CAMK4: variants seen among roughly 807,000 people sequenced by gnomAD.
The protein encoded by CAMK4 is calcium/calmodulin-dependent protein kinase type IV.
Under a neutral mutation model 44.9 loss-of-function variants are expected in CAMK4, and 22 were observed. The ratio of observed to expected loss-of-function variants is 0.49; its 90% CI spans 0.35 to 0.70. CAMK4 has a LOEUF of 0.70. Among genes scored for constraint, CAMK4 ranks in the 30% least tolerant of loss-of-function variants. CAMK4 has a pLI of 0.01. For missense variants in CAMK4, 498 were observed against 586.8 expected, an observed-to-expected ratio of 0.85 and a Z score of 1.56; for synonymous variants, 218 against 215.4, an observed-to-expected ratio of 1.01 and a Z score of -0.11.
chr5:111,232,855 C>T (rs1748541720), intron 1 of CAMK4, among the ~76,000 whole-genome samples: 1 of 151,644 alleles, frequency 6.6e-6, no homozygotes, highest in African/African-American at 2.4e-5. Context: ...TTACCTAGAC[C>T]AGGTAAAGAG....
At chr5:111,467,860 T>G (rs1002015033) in intron 7 of CAMK4, among the ~76,000 whole-genome samples, 1 of 149,258 alleles carries the variant, frequency 6.7e-6, no homozygotes, top group Admixed American at 6.8e-5. Flanking sequence ...GGATATCTAC[T>G]CAGAGGAAAA....
chr5:111,349,570 A>G (rs1327931155), intron 2 of CAMK4, among the ~76,000 whole-genome samples: 1 of 152,038 alleles, frequency 6.6e-6, no homozygotes, highest in Non-Finnish European at 1.5e-5. Flanking sequence ...CAAATTAAGC[A>G]GTTGGAAACT....
chr5:111,338,448 G>A (rs563286011), intron 1 of CAMK4, among the ~76,000 whole-genome samples: 1 of 151,372 alleles, frequency 6.6e-6, no homozygotes, highest in East Asian at 2.0e-4. Flanking sequence ...TTATTTTGCT[G>A]TGCAGAAATT....
intron 4 of CAMK4, among the ~76,000 whole-genome samples, chr5:111,383,496 C>T (rs1751489590): frequency 6.6e-6 from 1 of 152,106 alleles, no homozygotes; most frequent in Admixed American, 6.6e-5. Context: ...ACTCATGGCA[C>T]AGCAAACGTT....
In CAMK4 at chr5:111,446,709, C is replaced by A; in HGVS notation, c.483C>A (p.Val161=). ...AGTATCTACATGAAAATGGGATTGT[C>A]CATCGTGATCTCAAACCAGAGAATC... The part of the protein sequence containing the change: ...AVAYLHENGI[V]HRDLKPENLL... Residue 161 remains valine (V), a synonymous_variant, in exon 6 of 11, where the codon GTC becomes GTA. Transcript: ENST00000282356. The A allele has an allele frequency of 6.3e-7, 1 of 1,594,386 alleles. No homozygotes were observed. Among genetic ancestry groups the A allele is most frequent in the Non-Finnish European group, 8.6e-7 (1 of 1,164,804 alleles).
chr5:111,292,358 A>G (rs1012202959), intron 1 of CAMK4, among the ~76,000 whole-genome samples: 1 of 152,220 alleles, frequency 6.6e-6, no homozygotes, highest in Non-Finnish European at 1.5e-5. Flanking sequence ...ATAATGTTAT[A>G]TAAAGTATGA....
At chr5:111,326,000 T>A (rs1401615397) in intron 1 of CAMK4, among the ~76,000 whole-genome samples, 1 of 152,084 alleles carries the variant, frequency 6.6e-6, no homozygotes, top group Non-Finnish European at 1.5e-5. Flanking sequence ...GAATGTTTTT[T>A]AAAAAGGTTT....
chr5:111,244,315 A>C (rs1381590160), intron 1 of CAMK4, among the ~76,000 whole-genome samples: 3 of 152,236 alleles, frequency 2.0e-5, no homozygotes, highest in African/African-American at 7.2e-5. Flanking sequence ...AATGCATCAA[A>C]AATTATTAAA....
intron 2 of CAMK4, among the ~76,000 whole-genome samples, chr5:111,356,635 AG>A (rs1750368870): frequency 6.6e-6 from 1 of 152,158 alleles, no homozygotes; most frequent in Admixed American, 6.6e-5. Context: ...TTATGGTTTT[AG>A]GTCTAACATG....
chr5:111,314,216 G>A (rs188673429), intron 1 of CAMK4, among the ~76,000 whole-genome samples: 83 of 152,110 alleles, frequency 5.5e-4, no homozygotes, highest in African/African-American at 1.8e-3. Flanking sequence ...TGTGTAATTT[G>A]GTGAAGAGTT....
chr5:111,264,591 T>C (rs1172809806), intron 1 of CAMK4, among the ~76,000 whole-genome samples: 1 of 152,192 alleles, frequency 6.6e-6, no homozygotes, highest in African/African-American at 2.4e-5. Context: ...TTTGAAGTCA[T>C]TGATGTGATT....
At chr5:111,308,730 T>G (rs1009827803) in intron 1 of CAMK4, among the ~76,000 whole-genome samples, 1 of 152,206 alleles carries the variant, frequency 6.6e-6, no homozygotes, top group African/African-American at 2.4e-5. Context: ...AAACAATAGC[T>G]TATTACCGGA....
At chr5:111,252,796 G>T (rs1172044019) in intron 1 of CAMK4, among the ~76,000 whole-genome samples, 1 of 152,204 alleles carries the variant, frequency 6.6e-6, no homozygotes, top group Non-Finnish European at 1.5e-5. Flanking sequence ...ATAAGGGCTA[G>T]ATAAGGAATG....
rs1755868965 is a variant in CAMK4, at chr5:111,492,193, G to A, written c.*7727G>A. 1 of 152,046 alleles carries A rather than the reference G, an allele frequency of 6.6e-6. No individual in the cohort carries two copies. The highest frequency in any genetic ancestry group is 1.9e-4 in the East Asian group (1 of 5,202). 9.4% of individuals were successfully genotyped at this position (152,046 alleles called of 1,614,324 possible). On this transcript the variant is annotated 3_prime_UTR_variant, in exon 11 of 11. Transcript: ENST00000282356. The stretch of plus-strand genomic sequence containing the variant: ...AAACATAGGCATTCATGACCTTTGT[G>A]TTTCCGTTTGACTTTCAACATCTGT...
chr5:111,454,762 C>T (rs1754359613), intron 7 of CAMK4, among the ~76,000 whole-genome samples: 1 of 151,862 alleles, frequency 6.6e-6, no homozygotes, highest in African/African-American at 2.4e-5. Context: ...ATATTTAAGG[C>T]TTGAAGTTTG....
intron 4 of CAMK4, 89 bp downstream of exon 4, chr5:111,377,031 A>G: frequency 1.3e-6 from 1 of 781,740 alleles, no homozygotes; most frequent in South Asian, 1.6e-5. Flanking sequence ...GAAACTTTTT[A>G]TAATGACAGA....
chr5:111,331,583 G>A (rs1749169856), intron 1 of CAMK4, among the ~76,000 whole-genome samples: 1 of 151,636 alleles, frequency 6.6e-6, no homozygotes, highest in African/African-American at 2.4e-5. Flanking sequence ...ACACCTGCCA[G>A]TCTATTCTTT....
chr5:111,273,465 T>C lies in CAMK4; in HGVS notation c.161+48821T>C, dbSNP rs58588330. Among the ~76,000 whole-genome samples, 1,225 of 151,592 alleles carry C rather than the reference T, an allele frequency of 8.1e-3. 16 individuals carry two copies. The highest frequency in any genetic ancestry group is 0.028 in the African/African-American group (1,160 of 41,424). ...GTAACAATACCCAGTCTTTTATGTA[T>C]ACAAAAGTTGCTGGATGGTTAAAGA... On this transcript the variant is annotated intron_variant, in intron 1 of 10. Transcript: ENST00000282356.
chr5:111,441,101 A>G (rs553948907), intron 5 of CAMK4, among the ~76,000 whole-genome samples: 1 of 152,326 alleles, frequency 6.6e-6, no homozygotes, highest in East Asian at 1.9e-4. Context: ...ATTACCCCAA[A>G]GCACCACTCA....
Sources: allele counts gnomAD v4.1 joint callset (sites outside exome capture counted in the v4.1 genomes callset), GRCh38; gene constraint gnomAD v4.1.1; transcripts MANE v1.5; gene names NCBI Gene and HGNC (gene_info 2026-07-23, HGNC 2026-07-21).